Variants in ANO3 observed in about 807,000 individuals in gnomAD.
The protein encoded by ANO3 is anoctamin 3, also known as anoctamin-3.
In ANO3, 99 loss-of-function variants were observed where a neutral mutation model predicts 144.8. The ratio of observed to expected loss-of-function variants is 0.68; its 90% CI spans 0.58 to 0.81. ANO3 has a LOEUF of 0.81. Ranked by LOEUF, ANO3 falls within the 30% of genes least tolerant of loss-of-function variation. The probability of loss-of-function intolerance (pLI) is 0.00; values close to 1 mark genes in which losing one functional copy is unlikely to be tolerated. For synonymous variants in ANO3, 414 were observed against 392.6 expected, an observed-to-expected ratio of 1.05 and a Z score of -0.64; for missense variants, 905 against 1,202.2, an observed-to-expected ratio of 0.75 and a Z score of 3.66.
chr11:26,595,292 A>T (rs1851575615), intron 14 of ANO3, among the ~76,000 whole-genome samples: 1 of 152,006 alleles, frequency 6.6e-6, no homozygotes, highest in African/African-American at 2.4e-5. Flanking sequence ...CAGCATGCCC[A>T]ACATTGCCTT....
chr11:26,628,097 A>C (rs1214407964), intron 18 of ANO3, among the ~76,000 whole-genome samples: 1 of 152,172 alleles, frequency 6.6e-6, no homozygotes, highest in Non-Finnish European at 1.5e-5. Context: ...CATTTACTTC[A>C]AAGTGATTTT....
chr11:26,256,455 A>T (rs1853058466), intron 1 of ANO3, among the ~76,000 whole-genome samples: 1 of 152,132 alleles, frequency 6.6e-6, no homozygotes, highest in Non-Finnish European at 1.5e-5. Flanking sequence ...ATAAAATTAG[A>T]TTAATAAGAA....
intron 7 of ANO3, among the ~76,000 whole-genome samples, chr11:26,526,965 A>G (rs1230393046): frequency 6.6e-6 from 1 of 152,116 alleles, no homozygotes; most frequent in African/African-American, 2.4e-5. Context: ...TGCTCTGCAT[A>G]TGCCTGCTTA....
At chr11:26,606,598 T>C (rs1342231750) in intron 17 of ANO3, among the ~76,000 whole-genome samples, 3 of 74,828 alleles carry the variant, frequency 4.0e-5, no homozygotes, top group African/African-American at 1.2e-4. Flanking sequence ...CAATCCCTGC[T>C]TTTTTTTTTG....
chr11:26,328,235 C>T (rs1262277385), upstream of ANO3, among the ~76,000 whole-genome samples: 2 of 152,162 alleles, frequency 1.3e-5, no homozygotes, highest in African/African-American at 2.4e-5. Context: ...TGCTGTTATA[C>T]TGTCACATGT....
intron 4 of ANO3, among the ~76,000 whole-genome samples, chr11:26,483,851 A>G (rs1212227443): frequency 2.0e-5 from 3 of 152,202 alleles, no homozygotes; most frequent in East Asian, 1.9e-4. Flanking sequence ...AACTTCCTAT[A>G]TACTTGTTAC....
At chr11:26,501,444 T>C (rs553483416) in intron 4 of ANO3, among the ~76,000 whole-genome samples, 1 of 152,328 alleles carries the variant, frequency 6.6e-6, no homozygotes, top group African/African-American at 2.4e-5. Flanking sequence ...AAAGGAGTAC[T>C]GTGGGTGGGA....
intron 1 of ANO3, among the ~76,000 whole-genome samples, chr11:26,294,195 C>T (rs1486362565): frequency 6.6e-6 from 1 of 152,062 alleles, no homozygotes; most frequent in Non-Finnish European, 1.5e-5. Flanking sequence ...AGAAACTGAC[C>T]TATCCTGAAA....
At chr11:26,433,971 C>G (rs1021934349) in intron 1 of ANO3, among the ~76,000 whole-genome samples, 1 of 152,158 alleles carries the variant, frequency 6.6e-6, no homozygotes, top group Non-Finnish European at 1.5e-5. Flanking sequence ...AGTAGGAATG[C>G]TATCAGCTCT....
intron 5 of ANO3, among the ~76,000 whole-genome samples, chr11:26,511,887 A>G (rs1861678340): frequency 6.6e-6 from 1 of 152,104 alleles, no homozygotes; most frequent in African/African-American, 2.4e-5. Context: ...AGGAAGGAAT[A>G]TTTTTCAATA....
At chr11:26,587,546 T>C (rs558227683) in intron 14 of ANO3, among the ~76,000 whole-genome samples, 1 of 152,346 alleles carries the variant, frequency 6.6e-6, no homozygotes, top group South Asian at 2.1e-4. Context: ...TGTTCATAAC[T>C]TAGGTTTGCA....
At chr11:26,339,108 A>G (rs541721617) in intron 1 of ANO3, among the ~76,000 whole-genome samples, 43 of 152,182 alleles carry the variant, frequency 2.8e-4, no homozygotes, top group Non-Finnish European at 5.1e-4. Flanking sequence ...TAATGAGTGA[A>G]AGATCTAGGG....
intron 4 of ANO3, among the ~76,000 whole-genome samples, chr11:26,480,337 G>GA (rs1449127744): frequency 1.3e-5 from 2 of 151,978 alleles, no homozygotes; most frequent in African/African-American, 2.4e-5. Context: ...TAATTCTTTA[G>GA]AAAAAATGAC....
At chr11:26,443,914 A>ATTTT in intron 3 of ANO3, 78 bp downstream of exon 3, 1 of 867,178 alleles carries the variant, frequency 1.2e-6, no homozygotes, top group Non-Finnish European at 1.7e-6. Context: ...AAAAACTAGC[A>ATTTT]TTTTTTTTTT....
At chr11:26,420,103 A>C (rs1857708910) in intron 1 of ANO3, among the ~76,000 whole-genome samples, 1 of 152,038 alleles carries the variant, frequency 6.6e-6, no homozygotes, top group African/African-American at 2.4e-5. Flanking sequence ...TAATCGAATT[A>C]GATACATTTT....
At chr11:26,600,241 TTCCTCTCCTCTCCTC>T (rs72092871) in intron 17 of ANO3, among the ~76,000 whole-genome samples, 13 of 87,880 alleles carry the variant, frequency 1.5e-4, no homozygotes, top group South Asian at 6.4e-4. Context: ...CTCGTCTCCT[TTCCTCTCCTCTCCTC>T]TCCTCTCCTC....
At chr11:26,237,723 G>A (rs1852565825) in intron 1 of ANO3, among the ~76,000 whole-genome samples, 1 of 151,734 alleles carries the variant, frequency 6.6e-6, no homozygotes, top group African/African-American at 2.4e-5. Context: ...GTCTTTTTTT[G>A]TAAACTAAAA....
At chr11:26,335,481 G>T (rs867080136) in intron 1 of ANO3, among the ~76,000 whole-genome samples, 3 of 151,876 alleles carry the variant, frequency 2.0e-5, no homozygotes, top group Middle Eastern at 3.2e-3. Context: ...ATCTATGGAT[G>T]GTTTTTTAAA....
At chr11:26,632,117 G>A (rs764583932) in intron 18 of ANO3, among the ~76,000 whole-genome samples, 11 of 151,810 alleles carry the variant, frequency 7.2e-5, no homozygotes, top group African/African-American at 1.7e-4. Flanking sequence ...TCTCGAACCC[G>A]GGAGGTGGAG....
Sources: gnomAD v4.1 joint callset for allele counts (sites outside exome capture counted in the v4.1 genomes callset) on GRCh38, gnomAD v4.1.1 for gene constraint, MANE v1.5 for transcripts, NCBI Gene and HGNC (gene_info 2026-07-23, HGNC 2026-07-21) for gene names.